Variants in POTEF observed in about 807,000 individuals in gnomAD.
POTEF encodes the protein POTE ankyrin domain family member F, also known as ANKRD26-like family C member 1B.
A neutral mutation model predicts 83.2 loss-of-function variants in POTEF; 20 were observed. The observed-to-expected ratio is 0.24, with a 90% CI of 0.17 to 0.35. POTEF has a LOEUF of 0.35. Ranked by LOEUF, POTEF falls within the 10% of genes least tolerant of loss-of-function variation. The pLI, the probability that POTEF is intolerant of heterozygous loss-of-function variation, is 1.00. For synonymous variants in POTEF, 196 were observed against 446.4 expected (o/e 0.44, Z 7.07); for missense variants, 550 against 1,203.2 (o/e 0.46, Z 8.03).
intron 3 of POTEF, among the ~76,000 whole-genome samples, chr2:130,116,537 T>C (rs1353449276): frequency 6.9e-6 from 1 of 144,354 alleles, no homozygotes; most frequent in African/African-American, 2.7e-5. Context: ...CAGTGTGTGT[T>C]GCTTCCCTCT....
At chr2:130,121,111 C>A (rs1270370381) in intron 2 of POTEF, among the ~76,000 whole-genome samples, 1 of 151,534 alleles carries the variant, frequency 6.6e-6, no homozygotes, top group Non-Finnish European at 1.5e-5. Flanking sequence ...TGCTGCCGGG[C>A]GTGTGCGCGC....
At chr2:130,105,382 G>A (rs1253170624) in intron 8 of POTEF, among the ~76,000 whole-genome samples, 2 of 151,522 alleles carry the variant, frequency 1.3e-5, no homozygotes, top group Non-Finnish European at 2.9e-5. Context: ...TGAAAACCTT[G>A]TAATACATTG....
rs994590983 is a variant in POTEF, at chr2:130,104,502, C to T, written c.1127-2322G>A. ...TGTTTAAAGGAAGAACACAAAAATG[C>T]CCTGCTAAAGGGATTCTGTTTGGTT... On this transcript the variant is annotated intron_variant, in intron 8 of 16. Transcript: ENST00000409914. Among the ~76,000 whole-genome samples, 16 of 150,676 alleles carry T rather than the reference C, an allele frequency of 1.1e-4. 1 individual carries two copies. Among genetic ancestry groups the T allele is most frequent in the African/African-American group, 3.5e-4 (14 of 40,416 alleles).
Position 130,106,268 on chromosome 2 carries a change from T to C in POTEF, c.1126+1741A>G, listed in dbSNP as rs115572348. 3.1e-3 allele frequency among the ~76,000 whole-genome samples: 460 copies of C among 150,698 alleles called. 10 individuals are homozygous for C. The highest frequency in any genetic ancestry group is 0.011 in the African/African-American group (436 of 40,450). On this transcript the variant is annotated intron_variant, in intron 8 of 16. Coordinates refer to ENST00000409914, the MANE Select transcript of POTEF (RefSeq NM_001099771.2). ...CTAGTATTTGCAGTCCAAAGCATTC[T>C]ACCCAGTAAATTTCCCATGGCACAC...
chr2:130,125,965 G>A (rs1321327243), intron 2 of POTEF, among the ~76,000 whole-genome samples: 1 of 151,360 alleles, frequency 6.6e-6, no homozygotes, highest in Admixed American at 6.6e-5. Context: ...GCAAAGAGGT[G>A]GTGATGAACC....
At chr2:130,111,482 T>G (rs148716805) in intron 6 of POTEF, among the ~76,000 whole-genome samples, 2,529 of 152,002 alleles carry the variant, frequency 0.017, 14 homozygotes, top group Non-Finnish European at 0.027. Flanking sequence ...GAACCCACAG[T>G]ATGTGGGAAC....
At chr2:130,109,677 C>G (rs1684652002) in intron 7 of POTEF, 1 of 150,568 alleles carries the variant, frequency 6.6e-6, no homozygotes, top group African/African-American at 2.5e-5. Context: ...CCCCTCTCAC[C>G]CTTTAGAACA....
At chr2:130,096,488 C>CGCCGT (rs1447474298) in intron 11 of POTEF, among the ~76,000 whole-genome samples, 4 of 122,274 alleles carry the variant, frequency 3.3e-5, no homozygotes, top group Non-Finnish European at 5.1e-5. Context: ...TCAGGAAGGA[C>CGCCGT]ATCAGTAGCC....
In POTEF at chr2:130,095,492, CAAT is replaced by C. The variant is rs1012858670; in HGVS notation, c.1410-1987_1410-1985del. Among the ~76,000 whole-genome samples, 16 of 47,784 alleles carry C rather than the reference CAAT, an allele frequency of 3.3e-4. 3 individuals carry two copies. Among genetic ancestry groups the C allele is most frequent in the African/African-American group, 4.7e-4 (3 of 6,392 alleles). 31.3% of individuals were successfully genotyped at this position (47,784 alleles called of 152,430 possible). On this transcript the variant is annotated intron_variant, in intron 11 of 16. Transcript: ENST00000409914. ...TATTCATGACAGTGAGAAAAACACA[CAAT>C]AACAACAGACAGATAAGGCAAAATA...
At position 130,083,964 on chromosome 2, in the gene POTEF, T is replaced by A. The variant is rs1162028800; in HGVS notation, c.1778+1850A>T. Among the ~76,000 whole-genome samples, 2 of 79,384 alleles carry A rather than the reference T, an allele frequency of 2.5e-5. 1 individual carries two copies. Among genetic ancestry groups the A allele is most frequent in the Non-Finnish European group, 4.9e-5 (2 of 40,572 alleles). 52.1% of individuals were successfully genotyped at this position (79,384 alleles called of 152,430 possible). A position where few individuals can be genotyped will look rare whatever the true frequency, so the allele number is the denominator to read the frequency against. On this transcript the variant is annotated intron_variant, in intron 15 of 16. Transcript: ENST00000409914. ...TTACATAAGCTGATTATCATTTTGT[T>A]CACGCTTATACATAAAGACCAAGAA...
intron 8 of POTEF, among the ~76,000 whole-genome samples, chr2:130,104,867 G>T (rs569899572): frequency 5.3e-5 from 8 of 151,344 alleles, no homozygotes; most frequent in East Asian, 1.9e-4. Flanking sequence ...TCTTATTAGT[G>T]AGAGTCAAAC....
chr2:130,128,649 G>A (rs1685157939), intron 1 of POTEF, among the ~76,000 whole-genome samples: 1 of 150,604 alleles, frequency 6.6e-6, no homozygotes, highest in African/African-American at 2.4e-5. Flanking sequence ...CCTCAAAATC[G>A]CCGCCCCCAC....
At position 130,120,489 on chromosome 2, in the gene POTEF, C is replaced by T. The variant is rs540331197; in HGVS notation, c.27G>A (p.Pro9=). The T allele has an allele frequency of 1.1e-5, 17 of 1,613,300 alleles. No individual in the cohort carries two copies. The East Asian group carries it at 1.1e-4, about 11-fold the overall frequency. Residue 9 remains proline (P), a synonymous_variant, in exon 3 of 17, where the codon CCG becomes CCA. Coordinates refer to ENST00000409914, the MANE Select transcript of POTEF (RefSeq NM_001099771.2). ...ATGGCTTCTTCACAGAAGAGGCAGC[C>T]GGCATGGAATCAACCTCAACCACCA... MVVEVDSM[P]AASSVKKPFG...
chr2:130,103,444 T>C (rs1684429293), intron 8 of POTEF, among the ~76,000 whole-genome samples: 1 of 148,814 alleles, frequency 6.7e-6, no homozygotes, highest in Non-Finnish European at 1.5e-5. Flanking sequence ...TCTTCCTTGA[T>C]TCTGCATGTC....
At chr2:130,108,135 C>T in intron 7 of POTEF, 56 bp from the exon 8 acceptor site, 1 of 1,521,740 alleles carries the variant, frequency 6.6e-7, no homozygotes, top group Non-Finnish European at 8.8e-7. Context: ...TATAAAAAAA[C>T]TTACCAAATG....
chr2:130,116,331 G>C (rs1335633900), intron 3 of POTEF, among the ~76,000 whole-genome samples: 1 of 150,506 alleles, frequency 6.6e-6, no homozygotes, highest in Admixed American at 6.6e-5. Context: ...TTTATGAAAC[G>C]ATTTGTGGAG....
At chr2:130,075,757 TTCA>T (rs1683782084) in intron 16 of POTEF, among the ~76,000 whole-genome samples, 185 bp from the exon 17 acceptor site, 1 of 145,446 alleles carries the variant, frequency 6.9e-6, no homozygotes, top group African/African-American at 2.6e-5. Flanking sequence ...TGATTTATTT[TTCA>T]TCGTCTTTAA....
At position 130,075,036 on chromosome 2, in the gene POTEF, A is replaced by G. The variant is rs2122978; in HGVS notation, c.2436T>C (p.Pro812=). ...GGGTCATCTTCTCGCGGTTGGCCTT[A>G]GGGTTCAGGGTGGCCTCGGTCAGCA... ...PVLLTEATLN[P]KANREKMTQI... Residue 812 remains proline (P), a synonymous_variant, in exon 17 of 17, where the codon CCT becomes CCC. Transcript: ENST00000409914. 284 of 1,611,912 alleles carry G rather than the reference A, an allele frequency of 1.8e-4. 2 individuals are homozygous for G. The highest frequency in any genetic ancestry group is 6.0e-4 in the East Asian group (27 of 44,840).
rs992644946 is a variant in POTEF at position 130,116,189 on chromosome 2, C to T, written c.522-861G>A. Among the ~76,000 whole-genome samples, 1,099 of 151,494 alleles carry T rather than the reference C, an allele frequency of 7.3e-3. 14 individuals are homozygous for T. The highest frequency in any genetic ancestry group is 0.023 in the African/African-American group (954 of 40,836). ...CAATAAACTTTAAGCCAAAGAAAAC[C>T]TGGAATTCAAATGAATAGCATGGGC... is the stretch of plus-strand genomic sequence containing the variant. On this transcript the variant is annotated intron_variant, in intron 3 of 16. Transcript: ENST00000409914.
Sources: allele counts gnomAD v4.1 joint callset (sites outside exome capture counted in the v4.1 genomes callset), GRCh38; gene constraint gnomAD v4.1.1; transcripts MANE v1.5; gene names NCBI Gene and HGNC (gene_info 2026-07-23, HGNC 2026-07-21).